ULK4: variants seen among roughly 807,000 people sequenced by gnomAD.
ULK4 encodes unc-51 like kinase 4.
A neutral mutation model predicts 160.6 loss-of-function variants in ULK4; 133 were observed. The ratio of observed to expected loss-of-function variants is 0.83; its 90% CI spans 0.72 to 0.96. ULK4 has a LOEUF of 0.96. ULK4 is among the 40% of genes least tolerant of loss of function. ULK4 has a pLI of 0.00. For synonymous variants in ULK4, 534 were observed against 539.8 expected, an observed-to-expected ratio of 0.99 and a Z score of 0.15; for missense variants, 1,580 against 1,499.5, an observed-to-expected ratio of 1.05 and a Z score of -0.89.
chr3:41,498,432 A>G (rs1310168277), intron 32 of ULK4, among the ~76,000 whole-genome samples: 1 of 152,200 alleles, frequency 6.6e-6, no homozygotes, highest in African/African-American at 2.4e-5. Context: ...TTTAAAACCA[A>G]TTCTATAAAT....
intron 31 of ULK4, among the ~76,000 whole-genome samples, chr3:41,611,062 C>T (rs2032651546): frequency 6.6e-6 from 1 of 152,220 alleles, no homozygotes; most frequent in Admixed American, 6.5e-5. Flanking sequence ...CCATCCTGTG[C>T]ATCCAGCAAT....
chr3:41,439,138 C>T (rs1051975569), intron 34 of ULK4, among the ~76,000 whole-genome samples: 6 of 152,168 alleles, frequency 3.9e-5, no homozygotes, highest in African/African-American at 7.2e-5. Flanking sequence ...CTGTGGGCCT[C>T]CTGCTAATAA....
chr3:41,850,985 A>G (rs1208966912), intron 17 of ULK4, among the ~76,000 whole-genome samples: 1 of 152,154 alleles, frequency 6.6e-6, no homozygotes, highest in East Asian at 1.9e-4. Context: ...TAATTTTTGT[A>G]TAAGGTTTTC....
At chr3:41,655,366 G>A (rs535737521) in intron 30 of ULK4, among the ~76,000 whole-genome samples, 2 of 132,792 alleles carry the variant, frequency 1.5e-5, no homozygotes, top group African/African-American at 2.8e-5. Flanking sequence ...ATCACACACC[G>A]GGGACTGTTG....
intron 31 of ULK4, among the ~76,000 whole-genome samples, chr3:41,579,755 G>A (rs2030119137): frequency 6.6e-6 from 1 of 152,168 alleles, no homozygotes; most frequent in South Asian, 2.1e-4. Flanking sequence ...GCCTCCCAAA[G>A]TGCTGGGATT....
At chr3:41,788,862 T>A (rs778517082) in intron 21 of ULK4, among the ~76,000 whole-genome samples, 1 of 152,194 alleles carries the variant, frequency 6.6e-6, no homozygotes, top group Non-Finnish European at 1.5e-5. Flanking sequence ...AATTTATATA[T>A]AGCCAGGCCT....
chr3:41,855,305 G>A (rs1196621293), intron 17 of ULK4, among the ~76,000 whole-genome samples: 1 of 151,556 alleles, frequency 6.6e-6, no homozygotes. Flanking sequence ...TGAATATGGA[G>A]GGAGAAACCA....
chr3:41,904,380 G>A (rs77732985), intron 12 of ULK4, among the ~76,000 whole-genome samples: 19,045 of 151,906 alleles, frequency 0.13, 1,376 homozygotes, highest in Middle Eastern at 0.27. Flanking sequence ...AATGAGCAAC[G>A]ATCATGCCCC....
intron 17 of ULK4, among the ~76,000 whole-genome samples, chr3:41,856,055 C>A (rs972641149): frequency 7.2e-5 from 11 of 152,058 alleles, no homozygotes; most frequent in Admixed American, 1.3e-4. Flanking sequence ...TTAAAGAATT[C>A]TTTGATGTGA....
In ULK4 at chr3:41,932,659, C is replaced by T. The variant is rs142369599; in HGVS notation, c.379-653G>A. 5.5e-4 allele frequency among the ~76,000 whole-genome samples: 83 copies of T among 152,268 alleles called. 1 individual carries two copies. The highest frequency in any genetic ancestry group is 9.0e-4 in the Non-Finnish European group (61 of 68,030). ...GAATCTATGGATTGTTGAAAACATG[C>T]CAGTAACTAATGTTCTGTTACTTTT... On this transcript the variant is annotated intron_variant, in intron 4 of 36. Coordinates refer to ENST00000301831, the MANE Select transcript of ULK4 (RefSeq NM_017886.4).
intron 27 of ULK4, among the ~76,000 whole-genome samples, chr3:41,688,671 G>A (rs2036180910): frequency 6.6e-6 from 1 of 152,258 alleles, no homozygotes; most frequent in African/African-American, 2.4e-5. Context: ...TAAACTTCGA[G>A]TTTCAAATAA....
intron 2 of ULK4, among the ~76,000 whole-genome samples, chr3:41,947,275 C>T (rs1700140596): frequency 6.6e-6 from 1 of 152,178 alleles, no homozygotes; most frequent in African/African-American, 2.4e-5. Flanking sequence ...TGTGCCACTG[C>T]ACTCCAGCCC....
chr3:41,634,048 A>C (rs2033854240), intron 30 of ULK4, among the ~76,000 whole-genome samples: 1 of 152,212 alleles, frequency 6.6e-6, no homozygotes. Context: ...TCGATGTTCC[A>C]ATGCCAGAGT....
chr3:41,686,832 A>C (rs532103021), intron 27 of ULK4, among the ~76,000 whole-genome samples: 10 of 152,298 alleles, frequency 6.6e-5, no homozygotes, highest in Admixed American at 3.3e-4. Context: ...CATCAGGAAA[A>C]ATGTGTTCTT....
intron 34 of ULK4, among the ~76,000 whole-genome samples, chr3:41,441,233 AGGTAATTGATTT>A (rs1217247494): frequency 6.6e-6 from 1 of 152,028 alleles, no homozygotes; most frequent in Non-Finnish European, 1.5e-5. Context: ...GTAGAAACTA[AGGTAATTGATTT>A]GAGACCTTTC....
At chr3:41,902,262 T>G (rs1038539995) in intron 12 of ULK4, among the ~76,000 whole-genome samples, 1 of 152,048 alleles carries the variant, frequency 6.6e-6, no homozygotes, top group Non-Finnish European at 1.5e-5. Context: ...AGCTGCCCCA[T>G]GCAACTCAGA....
At chr3:41,938,246 T>A (rs1559663174) in intron 2 of ULK4, 49 bp from the exon 3 acceptor site, 1 of 1,464,070 alleles carries the variant, frequency 6.8e-7, no homozygotes, top group South Asian at 1.2e-5. Context: ...CTAAAACTCT[T>A]ACATCTACTG....
At position 41,615,728 on chromosome 3, in the gene ULK4, CA is replaced by C; in HGVS notation, c.3072-12del. ...CTTTCTTCCACAAGTCTGTTAAAAA[CA>C]AGAAAAAAAGATAAGTGCACATTAG... is the stretch of plus-strand genomic sequence containing the variant. On this transcript the variant is annotated splice_polypyrimidine_tract_variant and intron_variant, in intron 30 of 36. Coordinates refer to ENST00000301831, the MANE Select transcript of ULK4 (RefSeq NM_017886.4). 6.2e-7 allele frequency: 1 copy of C among 1,610,114 alleles called. No individual in the cohort carries two copies. Among genetic ancestry groups the C allele is most frequent in the Non-Finnish European group, 8.5e-7 (1 of 1,177,988 alleles).
chr3:41,702,317 G>A (rs1317720433), intron 27 of ULK4, among the ~76,000 whole-genome samples: 1 of 152,072 alleles, frequency 6.6e-6, no homozygotes, highest in Non-Finnish European at 1.5e-5. Flanking sequence ...GCTAACTTTT[G>A]CATTTTTAGT....
Sources: allele counts gnomAD v4.1 joint callset (sites outside exome capture counted in the v4.1 genomes callset), GRCh38; gene constraint gnomAD v4.1.1; transcripts MANE v1.5; gene names NCBI Gene and HGNC (gene_info 2026-07-23, HGNC 2026-07-21).